The following TNIP2 variants were observed in gnomAD, a reference collection of about 807,000 sequenced individuals.
TNIP2 encodes the protein TNFAIP3-interacting protein 2.
In TNIP2, 30 loss-of-function variants were observed where a neutral mutation model predicts 43.7. The observed-to-expected ratio is 0.69, with a 90% CI of 0.51 to 0.93. The LOEUF is 0.93. Ranked by LOEUF, TNIP2 falls within the 40% of genes least tolerant of loss-of-function variation. The probability of loss-of-function intolerance (pLI) is 0.00; values close to 1 mark genes in which losing one functional copy is unlikely to be tolerated. For synonymous variants in TNIP2, 260 were observed against 254.6 expected, an observed-to-expected ratio of 1.02 and a Z score of -0.20; for missense variants, 599 against 591.0, an observed-to-expected ratio of 1.01 and a Z score of -0.14.
chr4:2,749,590 T>C (rs1722051061), intron 1 of TNIP2, among the ~76,000 whole-genome samples: 1 of 152,212 alleles, frequency 6.6e-6, no homozygotes, highest in African/African-American at 2.4e-5. Flanking sequence ...ACACCAAGGA[T>C]TGGTGGCCCC....
At position 2,756,182 on chromosome 4, in the gene TNIP2, G is replaced by C. The variant is rs762485876; in HGVS notation, c.108C>G (p.Asp36Glu). Residue 36 changes from aspartate to glutamate, a missense_variant, in exon 1 of 6, where the codon GAC becomes GAG. Transcript: ENST00000315423. ...TGAGGGCGTCGCGGGCAGCGAGCTGGTCCTGCAGGCGGCGCAGCCGCTGTC... is the reference window on the plus strand; with the variant it reads ...TGAGGGCGTCGCGGGCAGCGAGCTGCTCCTGCAGGCGGCGCAGCCGCTGTC... ...EAGQRLRRLQ[D>E]QLAARDALIA... 1.1e-4 allele frequency: 165 copies of C among 1,477,602 alleles called. No homozygotes were observed. Among genetic ancestry groups the C allele is most frequent in the Non-Finnish European group, 1.5e-4 (163 of 1,122,336 alleles). 91.5% of individuals were successfully genotyped at this position (1,477,602 alleles called of 1,614,324 possible).
intron 1 of TNIP2, among the ~76,000 whole-genome samples, chr4:2,750,567 T>C (rs1040409889): frequency 6.6e-6 from 1 of 151,968 alleles, no homozygotes; most frequent in African/African-American, 2.4e-5. Flanking sequence ...GCTGGGACCA[T>C]GGGCTCGAGG....
At chr4:2,755,672 C>T (rs1180975916) in intron 1 of TNIP2, among the ~76,000 whole-genome samples, 1 of 137,136 alleles carries the variant, frequency 7.3e-6, no homozygotes, top group Non-Finnish European at 1.6e-5. Flanking sequence ...CCCTCACCCC[C>T]CAGAAGCTGT....
intron 2 of TNIP2, chr4:2,746,239 T>C (rs1465995991): frequency 6.6e-6 from 1 of 152,278 alleles, no homozygotes; most frequent in Non-Finnish European, 1.5e-5. Context: ...CTCAGTGACA[T>C]AATTTTTGAG....
At chr4:2,749,384 C>T (rs972007208) in intron 1 of TNIP2, among the ~76,000 whole-genome samples, 2 of 152,218 alleles carry the variant, frequency 1.3e-5, no homozygotes, top group African/African-American at 4.8e-5. Flanking sequence ...TCCCATTCCC[C>T]GGTATCTGGG....
rs761836812 is a variant in TNIP2, at chr4:2,744,894, A to G, written c.709T>C (p.Tyr237His). Residue 237 changes from tyrosine to histidine, a missense_variant, in exon 4 of 6, where the codon TAC (tyrosine) becomes CAC (histidine). By Grantham distance (83) the Tyr-to-His change is moderately conservative (BLOSUM62 2). Coordinates refer to ENST00000315423, the MANE Select transcript of TNIP2 (RefSeq NM_024309.4). The surrounding 1 kb of genome is among the most constrained non-coding windows in gnomAD (Gnocchi z 5.1). ...AGCTGCGCATGGAGCCCCCTCACGT[A>G]TTCGTCCCTGCTGGCGTTGTAGCGC... ...WQRYNASRDE[Y>H]VRGLHAQLRG... The G allele has an allele frequency of 1.9e-6, 3 of 1,613,152 alleles. No homozygotes were observed. The African/African-American group carries it at 4.0e-5, about 22-fold the overall frequency.
In TNIP2 at chr4:2,756,249, G is replaced by C. The variant is rs1362992645; in HGVS notation, c.41C>G (p.Pro14Arg). 2 of 1,446,662 alleles carry C rather than the reference G, an allele frequency of 1.4e-6. No homozygotes were observed. The highest frequency in any genetic ancestry group is 1.8e-6 in the Non-Finnish European group (2 of 1,104,918). 89.6% of individuals were successfully genotyped at this position (1,446,662 alleles called of 1,614,324 possible). A position where few individuals can be genotyped will look rare whatever the true frequency, so the allele number is the denominator to read the frequency against. The stretch of plus-strand genomic sequence containing the variant: ...GGTGCAGAGCGCGGCAGCTGCGCGC[G>C]GGGCCTCCTCCCAGCCGCCCGACCC... ...DPGSGGWEEA[P>R]RAAAALCTLY... The change falls in exon 1 of 6, where the codon CCG becomes CGG. Residue 14 changes from proline to arginine, a missense_variant. Physicochemically the swap from Pro to Arg is moderately radical, Grantham distance 103. Coordinates refer to ENST00000315423, the MANE Select transcript of TNIP2 (RefSeq NM_024309.4).
Position 2,744,572 on chromosome 4 carries a change from AC to A in TNIP2, c.907-67del. ...GGAAGCGCCCCACCAGGCTTCTCCC[AC>A]CCCCACAGTGACCACTGCCCACTCA... On this transcript the variant is annotated intron_variant, in intron 4 of 5. Transcript: ENST00000315423. This position sits in a 1 kb window ranked among gnomAD's most constrained non-coding sequence, Gnocchi z 5.1. 3 of 1,601,732 alleles carry A rather than the reference AC, an allele frequency of 1.9e-6. No individual in the cohort carries two copies. Among genetic ancestry groups the A allele is most frequent in the East Asian group, 2.2e-5 (1 of 44,678 alleles).
chr4:2,743,635 G>A (rs555882277), intron 5 of TNIP2, among the ~76,000 whole-genome samples: 4 of 152,268 alleles, frequency 2.6e-5, no homozygotes, highest in African/African-American at 7.2e-5. Flanking sequence ...CCTGAAACAC[G>A]GCTGACGTCC....
Position 2,756,122 on chromosome 4 carries a change from C to T in TNIP2, c.168G>A (p.Glu56=). The T allele has an allele frequency of 1.4e-6, 2 of 1,478,118 alleles. No individual in the cohort carries two copies. Among genetic ancestry groups the T allele is most frequent in the African/African-American group, 1.5e-5 (1 of 68,502 alleles). The allele number at this position is 1,478,118 out of a possible 1,614,324, so 91.6% of individuals were successfully genotyped here. ...ARLRARLAAL[E]GDAAPSLVDA... ...CCACTAGGGACGGCGCGGCGTCCCC[C>T]TCCAGCGCGGCCAGGCGGGCGCGGA... is the stretch of plus-strand genomic sequence containing the variant. The change falls in exon 1 of 6, where the codon GAG becomes GAA. Residue 56 remains glutamate (E), a synonymous_variant. Transcript: ENST00000315423.
At position 2,747,801 on chromosome 4, in the gene TNIP2, C is replaced by T. The variant is rs1193246266; in HGVS notation, c.421G>A (p.Asp141Asn). 1 of 1,612,918 alleles carries T rather than the reference C, an allele frequency of 6.2e-7. No homozygotes were observed. The highest frequency in any genetic ancestry group is 1.7e-5 in the Admixed American group (1 of 60,028). ...TTGGCCAAGGAGCGGCACAGGACGT[C>T]ACTGGCGGCCCGGGCGCGCTCCCCT... ...AEGERARAAS[D>N]VLCRSLANET... The change falls in exon 2 of 6, where the codon GAC becomes AAC. Residue 141 changes from aspartate to asparagine, a missense_variant. Physicochemically the swap from Asp to Asn is conservative, Grantham distance 23. Coordinates refer to ENST00000315423, the MANE Select transcript of TNIP2 (RefSeq NM_024309.4).
intron 1 of TNIP2, among the ~76,000 whole-genome samples, chr4:2,753,215 G>A (rs1293096869): frequency 6.6e-6 from 1 of 152,128 alleles, no homozygotes; most frequent in Non-Finnish European, 1.5e-5. Context: ...AAGGCAGGAG[G>A]ATCACTTGAA....
At chr4:2,743,492 G>A (rs566385446) in intron 5 of TNIP2, among the ~76,000 whole-genome samples, 3 of 152,274 alleles carry the variant, frequency 2.0e-5, no homozygotes, top group South Asian at 2.1e-4. Context: ...TAGTCCCAGG[G>A]TTAGTCCCAT....
chr4:2,747,158 G>A (rs546623556), intron 2 of TNIP2, among the ~76,000 whole-genome samples: 88 of 152,344 alleles, frequency 5.8e-4, no homozygotes, highest in African/African-American at 1.9e-3. Flanking sequence ...TGGAGATGGC[G>A]GTTCCAGCTG....
In TNIP2 at chr4:2,744,464, G is replaced by A. The variant is rs777429379; in HGVS notation, c.949C>T (p.Arg317Trp). 13 of 1,614,042 alleles carry A rather than the reference G, an allele frequency of 8.1e-6. No homozygotes were observed. The highest frequency in any genetic ancestry group is 3.3e-5 in the South Asian group (3 of 91,082). Residue 317 changes from arginine (R) to tryptophan (W), a missense_variant, in exon 5 of 6, where the codon CGG becomes TGG. Physicochemically the swap from Arg to Trp is moderately radical, Grantham distance 101 (BLOSUM62 -3). Transcript: ENST00000315423. This position sits in a 1 kb window ranked among gnomAD's most constrained non-coding sequence, Gnocchi z 5.1. ...KDDFMSERAD[R>W]ERAQSRIQEL... ...TGAATCCTACTTTGAGCCCGTTCCC[G>A]ATCGGCCCTTTCTGACATGAAGTCA...
intron 1 of TNIP2, among the ~76,000 whole-genome samples, chr4:2,751,248 G>A (rs909213950): frequency 1.3e-5 from 2 of 152,178 alleles, no homozygotes; most frequent in African/African-American, 2.4e-5. Context: ...AGAAAACAAG[G>A]TACGAGCTGG....
Position 2,744,081 on chromosome 4 carries a change from CTT to C in TNIP2, c.1026+304_1026+305del, listed in dbSNP as rs1003234861. On this transcript the variant is annotated intron_variant, in intron 5 of 5. Transcript: ENST00000315423. This position sits in a 1 kb window ranked among gnomAD's most constrained non-coding sequence, Gnocchi z 5.1. Reference sequence around the variant, plus strand: ...GGTCAGGACACGTAGGGAGCTCACACTTTGAGGCCCGAGATATGCTCTCTGAC... The same window carrying C: ...GGTCAGGACACGTAGGGAGCTCACACTGAGGCCCGAGATATGCTCTCTGAC... Among the ~76,000 whole-genome samples the C allele has an allele frequency of 1.3e-5, 2 of 152,220 alleles. No individual in the cohort carries two copies. Among genetic ancestry groups the C allele is most frequent in the Admixed American group, 6.5e-5 (1 of 15,284 alleles).
chr4:2,742,540 G>A lies in TNIP2; in HGVS notation c.1027-20C>T, dbSNP rs779828432. 2 of 1,543,514 alleles carry A rather than the reference G, an allele frequency of 1.3e-6. No individual in the cohort carries two copies. Among genetic ancestry groups the A allele is most frequent in the Non-Finnish European group, 8.8e-7 (1 of 1,138,610 alleles). On this transcript the variant is annotated intron_variant, in intron 5 of 5. Coordinates refer to ENST00000315423, the MANE Select transcript of TNIP2 (RefSeq NM_024309.4). ...AGAATCCTGGAGAAAAGGCAAGGGT[G>A]TATATACGTGGGCTGTGCTGACGGT...
intron 1 of TNIP2, among the ~76,000 whole-genome samples, chr4:2,751,577 C>T (rs1205348307): frequency 6.6e-6 from 1 of 151,226 alleles, no homozygotes; most frequent in African/African-American, 2.4e-5. Context: ...TGGGACTAGC[C>T]TGGGCAACAT....
Sources: gnomAD v4.1 joint callset for allele counts (sites outside exome capture counted in the v4.1 genomes callset) on GRCh38, gnomAD v4.1.1 for gene constraint, Gnocchi (gnomAD v3.1) non-coding constraint, MANE v1.5 for transcripts, NCBI Gene and HGNC (gene_info 2026-07-23, HGNC 2026-07-21) for gene names.